SKIDA1: variants seen among roughly 807,000 people sequenced by gnomAD.
SKIDA1 encodes SKI/DACH domain-containing protein 1.
A neutral mutation model predicts 51.4 loss-of-function variants in SKIDA1; 18 were observed. The observed-to-expected ratio is 0.35, with a 90% CI of 0.24 to 0.52. SKIDA1 has a LOEUF of 0.52. Ranked by LOEUF, SKIDA1 falls within the 20% of genes least tolerant of loss-of-function variation. SKIDA1 has a pLI of 0.95. For synonymous variants in SKIDA1, 579 were observed against 500.5 expected (o/e 1.16, Z -2.09); for missense variants, 1,104 against 1,180.6 (o/e 0.94, Z 0.95).
chr10:21,515,300 T>C lies in SKIDA1; in HGVS notation c.2523A>G (p.Lys841=). The change falls in exon 4 of 4, where the codon AAA becomes AAG. Residue 841 remains lysine (K), a synonymous_variant. Transcript: ENST00000449193. ...AATTTGCCATGAAATGAAATGGCCT[T>C]TTCACTGCTGATGCTACATTGCTGG... ...KVASNVASAV[K]RPFHFMANFP... is the part of the protein sequence containing the mutation. 6.2e-7 allele frequency: 1 copy of C among 1,614,016 alleles called. No homozygotes were observed. Among genetic ancestry groups the C allele is most frequent in the Non-Finnish European group, 8.5e-7 (1 of 1,179,888 alleles).
rs2032316422 is a variant in SKIDA1, at chr10:21,518,813, C to G, written c.-991G>C. On this transcript the variant is annotated 5_prime_UTR_variant, in exon 4 of 4. Coordinates refer to ENST00000449193, the MANE Select transcript of SKIDA1 (RefSeq NM_207371.4). The stretch of plus-strand genomic sequence containing the variant: ...GTTAAACCCGCCCCGTGAACCACCC[C>G]AGTGCGGACTTACGTTTGGAATTTC... 1 of 165,900 alleles carries G rather than the reference C, an allele frequency of 6.0e-6. No homozygotes were observed. Among genetic ancestry groups the G allele is most frequent in the Non-Finnish European group, 1.5e-5 (1 of 68,004 alleles). The allele number at this position is 165,900 out of a possible 1,614,324, so 10.3% of individuals were successfully genotyped here.
rs1588679662 is a variant in SKIDA1, at chr10:21,514,639, T to C, written c.*457A>G. ...CTTGCTACCTCACCTCACCTCACTG[T>C]GTAACCATGTAACCTAACAAACTTT... On this transcript the variant is annotated 3_prime_UTR_variant, in exon 4 of 4. Coordinates refer to ENST00000449193, the MANE Select transcript of SKIDA1 (RefSeq NM_207371.4). 1.3e-5 allele frequency: 2 copies of C among 154,948 alleles called. No homozygotes were observed. Among genetic ancestry groups the C allele is most frequent in the South Asian group, 4.0e-4 (2 of 5,010 alleles). The allele number at this position is 154,948 out of a possible 1,614,324, so 9.6% of individuals were successfully genotyped here. A position where few individuals can be genotyped will look rare whatever the true frequency, so the allele number is the denominator to read the frequency against.
rs566002501 is a variant in SKIDA1, at chr10:21,520,049, G to A, written c.-1836-391C>T. Among the ~76,000 whole-genome samples the A allele has an allele frequency of 9.8e-5, 15 of 152,296 alleles. No homozygotes were observed. In the East Asian group the frequency reaches 2.3e-3, roughly 24 times the overall value. ...AACTTAATCAATGTATGTACAAACCGCGATGTCTAGTTCTTGCCTTTGAAA... is the reference window on the plus strand; with the variant it reads ...AACTTAATCAATGTATGTACAAACCACGATGTCTAGTTCTTGCCTTTGAAA... On this transcript the variant is annotated intron_variant, in intron 3 of 3. Coordinates refer to ENST00000449193, the MANE Select transcript of SKIDA1 (RefSeq NM_207371.4).
In SKIDA1 at chr10:21,516,182, G is replaced by C. The variant is rs531634187; in HGVS notation, c.1641C>G (p.Asn547Lys). ...SLGSCFAEIR[N>K]DRVSEITFPH... ...GGAATGTAATCTCAGATACCCTATC[G>C]TTCCTTATCTCAGCGAAACAACTCC... Residue 547 changes from asparagine to lysine, a missense_variant, in exon 4 of 4, where the codon AAC becomes AAG. Asn to Lys is a moderately conservative substitution (Grantham distance 94, BLOSUM62 0). Coordinates refer to ENST00000449193, the MANE Select transcript of SKIDA1 (RefSeq NM_207371.4). The surrounding 1 kb of genome is among the most constrained non-coding windows in gnomAD (Gnocchi z 5.7). 8.9e-5 allele frequency: 144 copies of C among 1,613,982 alleles called. 1 individual carries two copies. The South Asian group carries it at 9.8e-4, about 11-fold the overall frequency.
At position 21,517,090 on chromosome 10, in the gene SKIDA1, AGGCGGC is replaced by A. The variant is rs528652346; in HGVS notation, c.727_732del (p.Ala243_Ala244del). On this transcript the variant is annotated inframe_deletion, in exon 4 of 4. Coordinates refer to ENST00000449193, the MANE Select transcript of SKIDA1 (RefSeq NM_207371.4). This position sits in a 1 kb window ranked among gnomAD's most constrained non-coding sequence, Gnocchi z 6.9. Reference sequence around the variant, plus strand: ...GGCCCGGCCGCCGATACCTGGTAATAGGCGGCGGCGGCGGCGGCGGCGGCGGCGGCA... The same window carrying A: ...GGCCCGGCCGCCGATACCTGGTAATAGGCGGCGGCGGCGGCGGCGGCGGCA... 395 of 986,076 alleles carry A rather than the reference AGGCGGC, an allele frequency of 4.0e-4. 1 individual carries two copies. The highest frequency in any genetic ancestry group is 1.9e-3 in the African/African-American group (96 of 49,688). 61.1% of individuals were successfully genotyped at this position (986,076 alleles called of 1,614,324 possible). A position where few individuals can be genotyped will look rare whatever the true frequency, so the allele number is the denominator to read the frequency against.
rs1173735367 is a variant in SKIDA1 at position 21,513,782 on chromosome 10, C to T, written c.*1314G>A. ...GTCATAAAATCCAAGTGCCTGAGTT[C>T]TGGTACCAAAAAGCCCTGAAAAAAC... On this transcript the variant is annotated 3_prime_UTR_variant, in exon 4 of 4. Coordinates refer to ENST00000449193, the MANE Select transcript of SKIDA1 (RefSeq NM_207371.4). The T allele has an allele frequency of 6.6e-6, 1 of 152,276 alleles. No individual in the cohort carries two copies. The highest frequency in any genetic ancestry group is 2.4e-5 in the African/African-American group (1 of 41,418). 9.4% of individuals were successfully genotyped at this position (152,276 alleles called of 1,614,324 possible). A position where few individuals can be genotyped will look rare whatever the true frequency, so the allele number is the denominator to read the frequency against.
At position 21,519,374 on chromosome 10, in the gene SKIDA1, A is replaced by C. The variant is rs1163999592; in HGVS notation, c.-1552T>G. ...TGCTTTAACAAAATCACTTTGGATG[A>C]AAATCAATGTGGTTTAACCTCTTCT... On this transcript the variant is annotated 5_prime_UTR_variant, in exon 4 of 4. Coordinates refer to ENST00000449193, the MANE Select transcript of SKIDA1 (RefSeq NM_207371.4). 2 of 167,128 alleles carry C rather than the reference A, an allele frequency of 1.2e-5. No individual in the cohort carries two copies. The highest frequency in any genetic ancestry group is 1.3e-4 in the Admixed American group (2 of 15,284). 10.4% of individuals were successfully genotyped at this position (167,128 alleles called of 1,614,324 possible).
In SKIDA1 at chr10:21,516,343, T is replaced by A. The variant is rs761965650; in HGVS notation, c.1480A>T (p.Thr494Ser). Residue 494 changes from threonine to serine, a missense_variant, in exon 4 of 4, where the codon ACC becomes TCC. Physicochemically the swap from Thr to Ser is moderately conservative, Grantham distance 58 (BLOSUM62 1). Around this residue, in one of 3 missense-constraint regions of SKIDA1, gnomAD observed 938 missense variants for 886.4 expected, o/e 1.06. Transcript: ENST00000449193. The surrounding 1 kb of genome is among the most constrained non-coding windows in gnomAD (Gnocchi z 5.7). ...LYHLASAAAA[T>S]KPAAFEDAGR... is the part of the protein sequence containing the mutation. The stretch of plus-strand genomic sequence containing the variant: ...GCATCCTCGAAAGCAGCGGGTTTGG[T>A]TGCAGCGGCGGCGGAGGCCAGATGG... 2 of 1,613,496 alleles carry A rather than the reference T, an allele frequency of 1.2e-6. No homozygotes were observed. Among genetic ancestry groups the A allele is most frequent in the African/African-American group, 1.3e-5 (1 of 74,938 alleles).
At position 21,516,521 on chromosome 10, in the gene SKIDA1, C is replaced by G. The variant is rs746498800; in HGVS notation, c.1302G>C (p.Ser434=). The G allele has an allele frequency of 6.3e-7, 1 of 1,578,446 alleles. No homozygotes were observed. The highest frequency in any genetic ancestry group is 1.8e-5 in the Admixed American group (1 of 54,440). ...CCTCCGAGCTGACTTCACTGGAATCCGAGGCCCCGCTGCCCCCCTCCTCCT... is the reference window on the plus strand; with the variant it reads ...CCTCCGAGCTGACTTCACTGGAATCGGAGGCCCCGCTGCCCCCCTCCTCCT... ...EEEEEGGSGA[S]DSSEVSSEEE... Residue 434 remains serine, a synonymous_variant, in exon 4 of 4, where the codon TCG becomes TCC. Coordinates refer to ENST00000449193, the MANE Select transcript of SKIDA1 (RefSeq NM_207371.4). This position sits in a 1 kb window ranked among gnomAD's most constrained non-coding sequence, Gnocchi z 5.7.
intron 3 of SKIDA1, among the ~76,000 whole-genome samples, chr10:21,520,902 T>C (rs967320348): frequency 2.0e-5 from 3 of 152,174 alleles, no homozygotes; most frequent in Admixed American, 6.5e-5. Flanking sequence ...CAAGTATCTC[T>C]ATATGTACAC....
Position 21,516,088 on chromosome 10 carries a change from A to G in SKIDA1, c.1735T>C (p.Ser579Pro). 6.2e-7 allele frequency: 1 copy of G among 1,614,028 alleles called. No individual in the cohort carries two copies. The highest frequency in any genetic ancestry group is 8.5e-7 in the Non-Finnish European group (1 of 1,179,904). ...LTINCLAEGA[S>P]SPSPKTNNAF... Reference sequence around the variant, plus strand: ...TTGTTTGTCTTTGGGCTAGGTGAAGAGGCCCCCTCTGCCAGGCAGTTAATT... The same window carrying G: ...TTGTTTGTCTTTGGGCTAGGTGAAGGGGCCCCCTCTGCCAGGCAGTTAATT... Residue 579 changes from serine to proline, a missense_variant, in exon 4 of 4, where the codon TCT becomes CCT. This residue lies in a region of SKIDA1 where 938 missense variants were observed against 886.4 expected (regional missense o/e 1.06). Transcript: ENST00000449193. This position sits in a 1 kb window ranked among gnomAD's most constrained non-coding sequence, Gnocchi z 5.7.
chr10:21,515,016 T>A lies in SKIDA1; in HGVS notation c.*80A>T, dbSNP rs2032155637. On this transcript the variant is annotated 3_prime_UTR_variant, in exon 4 of 4. Coordinates refer to ENST00000449193, the MANE Select transcript of SKIDA1 (RefSeq NM_207371.4). ...CTCCAAAGGGGGTGTAACACATTAATGGACTTGTACAAACCATCCTGTGCA... is the reference window on the plus strand; with the variant it reads ...CTCCAAAGGGGGTGTAACACATTAAAGGACTTGTACAAACCATCCTGTGCA... 2.1e-6 allele frequency: 3 copies of A among 1,430,764 alleles called. No homozygotes were observed. The highest frequency in any genetic ancestry group is 2.7e-6 in the Non-Finnish European group (3 of 1,093,196). The allele number at this position is 1,430,764 out of a possible 1,614,324, so 88.6% of individuals were successfully genotyped here.
Position 21,515,413 on chromosome 10 carries a change from C to A in SKIDA1, c.2410G>T (p.Ala804Ser). Reference protein sequence around the residue: ...TPPVKPNLKSARSPRPTGKTE... With the variant: ...TPPVKPNLKSSRSPRPTGKTE... ...TTACCTGTAGGACGAGGGCTTCTAG[C>A]TGATTTCAAATTTGGTTTGACTGGA... is the stretch of plus-strand genomic sequence containing the variant. The change falls in exon 4 of 4, where the codon GCT (alanine) becomes TCT (serine). Residue 804 changes from alanine to serine, a missense_variant. By Grantham distance (99) the Ala-to-Ser change is moderately conservative. Around this residue, in one of 3 missense-constraint regions of SKIDA1, gnomAD observed 112 missense variants for 168.3 expected, o/e 0.67. Transcript: ENST00000449193. 1 of 1,614,026 alleles carries A rather than the reference C, an allele frequency of 6.2e-7. No homozygotes were observed. The highest frequency in any genetic ancestry group is 8.5e-7 in the Non-Finnish European group (1 of 1,179,888).
At position 21,514,169 on chromosome 10, in the gene SKIDA1, T is replaced by G. The variant is rs1232963675; in HGVS notation, c.*927A>C. ...GGTGGAGGTTGCAGTGAGCCAAGAT[T>G]GTGCCACTGCACTCCAGCCTGGGCG... On this transcript the variant is annotated 3_prime_UTR_variant, in exon 4 of 4. Transcript: ENST00000449193. The G allele has an allele frequency of 1.4e-5, 2 of 140,074 alleles. No individual in the cohort carries two copies. Among genetic ancestry groups the G allele is most frequent in the African/African-American group, 5.5e-5 (2 of 36,650 alleles). 8.7% of individuals were successfully genotyped at this position (140,074 alleles called of 1,614,324 possible).
In SKIDA1 at chr10:21,516,875, G is replaced by A. The variant is rs1181001363; in HGVS notation, c.948C>T (p.Ala316=). Reference sequence around the variant, plus strand: ...TCTCCAGGCAAGTGGCCCCCGCGGCGGCCGCCGCCGCCGCTGCCGCCGCCG... The same window carrying A: ...TCTCCAGGCAAGTGGCCCCCGCGGCAGCCGCCGCCGCCGCTGCCGCCGCCG... ...AAAAAAAAAA[A]AAGATCLERF... The change falls in exon 4 of 4, where the codon GCC becomes GCT. Residue 316 remains alanine (A), a synonymous_variant. Transcript: ENST00000449193. This position sits in a 1 kb window ranked among gnomAD's most constrained non-coding sequence, Gnocchi z 5.7. 1 of 1,291,406 alleles carries A rather than the reference G, an allele frequency of 7.7e-7. No homozygotes were observed. The highest frequency in any genetic ancestry group is 9.8e-7 in the Non-Finnish European group (1 of 1,025,008). 80.0% of individuals were successfully genotyped at this position (1,291,406 alleles called of 1,614,324 possible). A position where few individuals can be genotyped will look rare whatever the true frequency, so the allele number is the denominator to read the frequency against.
chr10:21,517,244 T>C lies in SKIDA1; in HGVS notation c.579A>G (p.Leu193=). 6.8e-7 allele frequency: 1 copy of C among 1,470,738 alleles called. No homozygotes were observed. Among genetic ancestry groups the C allele is most frequent in the South Asian group, 1.3e-5 (1 of 75,926 alleles). 91.1% of individuals were successfully genotyped at this position (1,470,738 alleles called of 1,614,324 possible). A position where few individuals can be genotyped will look rare whatever the true frequency, so the allele number is the denominator to read the frequency against. ...EIVRSPCKPP[L]NYETAPLQGN... Reference sequence around the variant, plus strand: ...CCTGGAGCGGGGCAGTTTCATAGTTTAGAGGGGGTTTGCACGGCGAGCGCA... The same window carrying C: ...CCTGGAGCGGGGCAGTTTCATAGTTCAGAGGGGGTTTGCACGGCGAGCGCA... The change falls in exon 4 of 4, where the codon CTA becomes CTG. Residue 193 remains leucine, a synonymous_variant. Coordinates refer to ENST00000449193, the MANE Select transcript of SKIDA1 (RefSeq NM_207371.4). This position sits in a 1 kb window ranked among gnomAD's most constrained non-coding sequence, Gnocchi z 6.9.
chr10:21,517,463 C>T lies in SKIDA1; in HGVS notation c.360G>A (p.Glu120=). 1 of 1,521,866 alleles carries T rather than the reference C, an allele frequency of 6.6e-7. No homozygotes were observed. The highest frequency in any genetic ancestry group is 1.3e-5 in the South Asian group (1 of 79,946). The allele number at this position is 1,521,866 out of a possible 1,614,324, so 94.3% of individuals were successfully genotyped here. A position where few individuals can be genotyped will look rare whatever the true frequency, so the allele number is the denominator to read the frequency against. Residue 120 remains glutamate (E), a synonymous_variant, in exon 4 of 4, where the codon GAG becomes GAA. Coordinates refer to ENST00000449193, the MANE Select transcript of SKIDA1 (RefSeq NM_207371.4). The surrounding 1 kb of genome is among the most constrained non-coding windows in gnomAD (Gnocchi z 6.9). ...GGCGGGGGCTGGCGGCAGCGGCGCG[C>T]TCTGGCGGCGGCGCCTTTGTGGCCA... is the stretch of plus-strand genomic sequence containing the variant. The part of the protein sequence containing the change: ...RALATKAPPP[E]RAAAASPRPG...
At position 21,516,473 on chromosome 10, in the gene SKIDA1, C is replaced by T. The variant is rs766219166; in HGVS notation, c.1350G>A (p.Ser450=). The T allele has an allele frequency of 2.0e-5, 33 of 1,610,474 alleles. No individual in the cohort carries two copies. The Admixed American group carries it at 5.0e-4, about 25-fold the overall frequency. The part of the protein sequence containing the change: ...SSEEEDSSTE[S]DSSSGSSQVS... Reference sequence around the variant, plus strand: ...CTTGGCTGGAGCCGGAGCTGGAGTCCGACTCGGTGGACGAGTCCTCCTCCT... The same window carrying T: ...CTTGGCTGGAGCCGGAGCTGGAGTCTGACTCGGTGGACGAGTCCTCCTCCT... Residue 450 remains serine (S), a synonymous_variant, in exon 4 of 4, where the codon TCG becomes TCA. Transcript: ENST00000449193. The surrounding 1 kb of genome is among the most constrained non-coding windows in gnomAD (Gnocchi z 5.7).
chr10:21,517,429 A>G lies in SKIDA1; in HGVS notation c.394T>C (p.Trp132Arg). 1.3e-6 allele frequency: 2 copies of G among 1,488,274 alleles called. No homozygotes were observed. The highest frequency in any genetic ancestry group is 8.9e-7 in the Non-Finnish European group (1 of 1,125,416). 92.2% of individuals were successfully genotyped at this position (1,488,274 alleles called of 1,614,324 possible). Reference protein sequence around the residue: ...AAAASPRPGFWKDKHQLWRGL... With the variant: ...AAAASPRPGFRKDKHQLWRGL... Reference sequence around the variant, plus strand: ...CGCCAAAGTTGGTGCTTGTCCTTCCAAAATCCCGGGCGGGGGCTGGCGGCA... The same window carrying G: ...CGCCAAAGTTGGTGCTTGTCCTTCCGAAATCCCGGGCGGGGGCTGGCGGCA... Residue 132 changes from tryptophan to arginine, a missense_variant, in exon 4 of 4, where the codon TGG becomes CGG. By Grantham distance (101) the Trp-to-Arg change is moderately radical. Transcript: ENST00000449193. The surrounding 1 kb of genome is among the most constrained non-coding windows in gnomAD (Gnocchi z 6.9).
Sources: gnomAD v4.1 joint callset for allele counts (sites outside exome capture counted in the v4.1 genomes callset) on GRCh38, gnomAD v4.1.1 for gene constraint, gnomAD v4.1.1 regional missense constraint, Gnocchi (gnomAD v3.1) non-coding constraint, MANE v1.5 for transcripts, NCBI Gene and HGNC (gene_info 2026-07-23, HGNC 2026-07-21) for gene names.